OARD1: variants seen among roughly 807,000 people sequenced by gnomAD.
OARD1 encodes the protein O-acyl-ADP-ribose deacylase 1.
OARD1 carries 19 observed loss-of-function variants against 19.7 expected under a neutral mutation model. The observed-to-expected ratio is 0.96, with a 90% CI of 0.67 to 1.41. The LOEUF (loss-of-function observed/expected upper bound fraction) is 1.41, where lower values mean the gene tolerates loss of function less well. OARD1 is among the 40% of genes most tolerant of loss of function. OARD1 has a pLI of 0.00. For missense variants in OARD1, 190 were observed against 183.8 expected (o/e 1.03, Z -0.20); for synonymous variants, 70 against 61.8 (o/e 1.13, Z -0.62).
chr6:41,092,274 C>G (rs1255083361), intron 1 of OARD1, among the ~76,000 whole-genome samples: 1 of 152,206 alleles, frequency 6.6e-6, no homozygotes, highest in Admixed American at 6.5e-5. Flanking sequence ...CACCTGTAGT[C>G]CTAGCTACTT....
At chr6:41,073,071 G>C (rs1021649137), upstream of OARD1, 2 of 153,906 alleles carry the variant, frequency 1.3e-5, no homozygotes, top group African/African-American at 2.4e-5. Context: ...AGCGAACCGG[G>C]GGAGCGAGGC....
chr6:41,091,269 T>C (rs1353499510), intron 1 of OARD1, among the ~76,000 whole-genome samples: 1 of 152,174 alleles, frequency 6.6e-6, no homozygotes, highest in East Asian at 1.9e-4. Context: ...CTCCAAACCT[T>C]TTCACCTTTT....
chr6:41,092,528 A>G (rs1764223448), intron 1 of OARD1, among the ~76,000 whole-genome samples: 1 of 152,228 alleles, frequency 6.6e-6, no homozygotes, highest in Non-Finnish European at 1.5e-5. Context: ...TTGAATTATA[A>G]GTTAACTATT....
chr6:41,080,803 G>A, intron 1 of OARD1: 1 of 1,611,870 alleles, frequency 6.2e-7, no homozygotes, highest in Non-Finnish European at 8.5e-7. Context: ...TCCTGTTCCT[G>A]TTCTCAGCAG....
At position 41,066,566 on chromosome 6, in the gene OARD1, TC is replaced by T. The variant is rs1306935793; in HGVS notation, c.*768del. The T allele has an allele frequency of 3.3e-5, 5 of 152,230 alleles. No individual in the cohort carries two copies. The highest frequency in any genetic ancestry group is 1.2e-4 in the African/African-American group (5 of 41,452). 9.4% of individuals were successfully genotyped at this position (152,230 alleles called of 1,614,324 possible). ...ATTTCACTTGTTTTCATGATTAAAT[TC>T]AGGCAGGTTCAATCACAGAAACCAT... On this transcript the variant is annotated 3_prime_UTR_variant, in exon 6 of 6. Transcript: ENST00000424266.
At position 41,094,327 on chromosome 6, in the gene OARD1, TTG is replaced by T. The variant is rs1337590252; in HGVS notation, c.-42+3384_-42+3385del. On this transcript the variant is annotated intron_variant, in intron 1 of 4. Coordinates refer to the OARD1 transcript ENST00000480585. The stretch of plus-strand genomic sequence containing the variant: ...TGTCTTAAACTTTGGAGAATGGAAT[TTG>T]TGCACTAGATAACTGTGCTGGTTCT... 14 of 1,314,312 alleles carry T rather than the reference TTG, an allele frequency of 1.1e-5. No homozygotes were observed. In the Admixed American group the frequency reaches 2.5e-4, roughly 24 times the overall value. 81.4% of individuals were successfully genotyped at this position (1,314,312 alleles called of 1,614,324 possible). A position where few individuals can be genotyped will look rare whatever the true frequency, so the allele number is the denominator to read the frequency against.
intron 4 of OARD1, 187 bp downstream of exon 4, chr6:41,069,889 C>G: frequency 1.5e-6 from 1 of 653,120 alleles, no homozygotes. Context: ...TCTTTCTAAC[C>G]CAGTGCTCCA....
intron 1 of OARD1, among the ~76,000 whole-genome samples, chr6:41,078,324 G>A (rs994710791): frequency 1.3e-5 from 2 of 152,108 alleles, no homozygotes; most frequent in African/African-American, 4.8e-5. Context: ...ACTTTGCCAC[G>A]ATAATGAGCA....
intron 1 of OARD1, among the ~76,000 whole-genome samples, chr6:41,087,752 G>A (rs2113807575): frequency 1.3e-5 from 2 of 152,128 alleles, no homozygotes; most frequent in South Asian, 4.1e-4. Context: ...ATGAAAATAG[G>A]ATTTTGTACA....
At chr6:41,093,199 T>C (rs1764241602) in intron 1 of OARD1, 1 of 889,058 alleles carries the variant, frequency 1.1e-6, no homozygotes, top group South Asian at 2.1e-5. Flanking sequence ...TGACGTTAGA[T>C]ACTTGTTGTC....
rs561662127 is a variant in OARD1 at position 41,090,795 on chromosome 6, T to C, written c.-42+6918A>G. ...ACAATGCAGGGCCCTCATGGAAGTATGTTCTAGGAATAGATAACATAAATA... is the reference window on the plus strand; with the variant it reads ...ACAATGCAGGGCCCTCATGGAAGTACGTTCTAGGAATAGATAACATAAATA... On this transcript the variant is annotated intron_variant, in intron 1 of 4. Coordinates refer to the OARD1 transcript ENST00000480585. 1.9e-3 allele frequency among the ~76,000 whole-genome samples: 283 copies of C among 152,352 alleles called. 1 individual carries two copies. The highest frequency in any genetic ancestry group is 6.8e-3 in the Middle Eastern group (2 of 294).
chr6:41,090,993 G>A (rs1764184991), intron 1 of OARD1, among the ~76,000 whole-genome samples: 1 of 152,200 alleles, frequency 6.6e-6, no homozygotes, highest in African/African-American at 2.4e-5. Context: ...GTGTGCTCTT[G>A]TATTACTCCA....
At chr6:41,085,040 T>A (rs1408202518) in intron 1 of OARD1, among the ~76,000 whole-genome samples, 3 of 152,172 alleles carry the variant, frequency 2.0e-5, no homozygotes, top group African/African-American at 4.8e-5. Context: ...AATTAGATAT[T>A]TCTCATCGAG....
intron 1 of OARD1, chr6:41,090,267 G>A (rs994841213): frequency 4.3e-6 from 7 of 1,613,808 alleles, no homozygotes; most frequent in East Asian, 2.2e-5. Context: ...GCAGACCATC[G>A]TCTATCAACC....
In OARD1 at chr6:41,071,187, C is replaced by T. The variant is rs1477509961; in HGVS notation, c.129G>A (p.Gly43=). 1.9e-6 allele frequency: 3 copies of T among 1,614,184 alleles called. No individual in the cohort carries two copies. Among genetic ancestry groups the T allele is most frequent in the Non-Finnish European group, 2.5e-6 (3 of 1,180,000 alleles). Residue 43 remains glycine (G), a synonymous_variant, in exon 3 of 6, where the codon GGG becomes GGA. Transcript: ENST00000424266. Reference sequence around the variant, plus strand: ...ATTTCTTCTTAAAGAGGACAGCTATCCCAGCGCCCATGCGACAATCCTCAC... The same window carrying T: ...ATTTCTTCTTAAAGAGGACAGCTATTCCAGCGCCCATGCGACAATCCTCAC... ...CISEDCRMGA[G]IAVLFKKKFG...
chr6:41,089,009 G>A (rs896998625), intron 1 of OARD1, among the ~76,000 whole-genome samples: 3 of 151,108 alleles, frequency 2.0e-5, no homozygotes, highest in Non-Finnish European at 4.4e-5. Flanking sequence ...TTTTTGAGAC[G>A]GAATCTCGCT....
intron 1 of OARD1, chr6:41,084,223 T>C (rs1763981987): frequency 1.9e-6 from 3 of 1,606,960 alleles, no homozygotes; most frequent in Non-Finnish European, 2.6e-6. Context: ...TTGAGCAGTA[T>C]ATCAGAGGAG....
upstream of OARD1, chr6:41,072,556 A>C (rs943137614): frequency 6.6e-6 from 1 of 151,082 alleles, no homozygotes; most frequent in African/African-American, 2.5e-5. Context: ...AAGGCCGCCG[A>C]ACTTCCGGCA....
chr6:41,074,752 G>C (rs1763686076), upstream of OARD1, among the ~76,000 whole-genome samples: 1 of 152,222 alleles, frequency 6.6e-6, no homozygotes, highest in African/African-American at 2.4e-5. Flanking sequence ...GGTTCAAGTA[G>C]AAGGGATCTA....
Sources: gnomAD v4.1 joint callset for allele counts (sites outside exome capture counted in the v4.1 genomes callset) on GRCh38, gnomAD v4.1.1 for gene constraint, MANE v1.5 for transcripts, NCBI Gene and HGNC (gene_info 2026-07-23, HGNC 2026-07-21) for gene names.